Variants in ZDHHC13 observed in about 807,000 individuals in gnomAD.
ZDHHC13 encodes the protein zDHHC palmitoyltransferase 13.
Under a neutral mutation model 86.0 loss-of-function variants are expected in ZDHHC13, and 85 were observed. The ratio of observed to expected loss-of-function variants is 0.99; its 90% confidence interval spans 0.83 to 1.18. The LOEUF (loss-of-function observed/expected upper bound fraction) is 1.18, where lower values mean the gene tolerates loss of function less well. Among genes scored for constraint, ZDHHC13 ranks in the 50% most tolerant of loss-of-function variants. The pLI, the probability that ZDHHC13 is intolerant of heterozygous loss-of-function variation, is 0.00. For missense variants in ZDHHC13, 711 were observed against 730.2 expected (o/e 0.97, Z 0.30); for synonymous variants, 263 against 246.4 (o/e 1.07, Z -0.63).
At chr11:19,122,822 A>G (rs745614229) in intron 1 of ZDHHC13, among the ~76,000 whole-genome samples, 3 of 152,234 alleles carry the variant, frequency 2.0e-5, no homozygotes, top group Non-Finnish European at 2.9e-5. Flanking sequence ...ATTTTCTCAC[A>G]TTACCTAGTG....
rs1241826129 is a variant in ZDHHC13 at position 19,157,345 on chromosome 11, A to G, written c.1007+1416A>G. 4.6e-5 allele frequency among the ~76,000 whole-genome samples: 7 copies of G among 152,328 alleles called. No homozygotes were observed. In the East Asian group the frequency reaches 9.6e-4, roughly 21 times the overall value. On this transcript the variant is annotated intron_variant, in intron 9 of 16. Transcript: ENST00000446113. ...AGGGAAATACAGGGTTGCTCTTTGC[A>G]GATTATGATTATGAGTATTCCTCTG... is the stretch of plus-strand genomic sequence containing the variant.
In ZDHHC13 at chr11:19,176,178, A is replaced by T. The variant is rs1850360009; in HGVS notation, c.*218A>T. ...ATAAATCTTGGCAGACATCTAAAAA[A>T]AAAACCATATTTTTCACAAGAAAAT... On this transcript the variant is annotated 3_prime_UTR_variant, in exon 17 of 17. Coordinates refer to ENST00000446113, the MANE Select transcript of ZDHHC13 (RefSeq NM_019028.3). The T allele has an allele frequency of 5.2e-6, 2 of 384,428 alleles. No homozygotes were observed. The highest frequency in any genetic ancestry group is 1.4e-3 in the Middle Eastern group (2 of 1,416). The allele number at this position is 384,428 out of a possible 1,614,324, so 23.8% of individuals were successfully genotyped here. A position where few individuals can be genotyped will look rare whatever the true frequency, so the allele number is the denominator to read the frequency against.
chr11:19,167,630 G>A (rs1220988251), intron 14 of ZDHHC13: 1 of 152,140 alleles, frequency 6.6e-6, no homozygotes, highest in Non-Finnish European at 1.5e-5. Context: ...CTGACGCCTT[G>A]GGTGTCTTTG....
At chr11:19,153,447 T>C (rs777553131) in intron 8 of ZDHHC13, among the ~76,000 whole-genome samples, 8 of 152,242 alleles carry the variant, frequency 5.3e-5, no homozygotes, top group Non-Finnish European at 1.2e-4. Flanking sequence ...ACTTTCAGAG[T>C]GATTCTAAAT....
At chr11:19,159,093 T>A in intron 10 of ZDHHC13, 53 bp downstream of exon 10, 1 of 1,313,712 alleles carries the variant, frequency 7.6e-7, no homozygotes, top group Non-Finnish European at 1.1e-6. Context: ...TTTAAAAGAG[T>A]AATGTTATTG....
Position 19,160,048 on chromosome 11 carries a change from A to G in ZDHHC13, c.1108+1008A>G, listed in dbSNP as rs548560883. On this transcript the variant is annotated intron_variant, in intron 10 of 16. Transcript: ENST00000446113. ...GTAATAGCATTTCCGAAAAGAAAGA[A>G]CAGAATGTTTATGGGAGACATGCAT... Among the ~76,000 whole-genome samples the G allele has an allele frequency of 1.6e-3, 246 of 152,152 alleles. 3 individuals carry two copies. The highest frequency in any genetic ancestry group is 5.6e-3 in the African/African-American group (233 of 41,398).
At chr11:19,137,495 T>G (rs1472388524) in intron 1 of ZDHHC13, among the ~76,000 whole-genome samples, 4 of 151,420 alleles carry the variant, frequency 2.6e-5, no homozygotes, top group Non-Finnish European at 4.4e-5. Context: ...ACTGTCAACA[T>G]TAGACAGATC....
intron 1 of ZDHHC13, among the ~76,000 whole-genome samples, chr11:19,142,064 T>C (rs1351853076): frequency 6.6e-6 from 1 of 152,192 alleles, no homozygotes; most frequent in Non-Finnish European, 1.5e-5. Context: ...TCATAGTTTC[T>C]GTTTGTCAGG....
intron 9 of ZDHHC13, among the ~76,000 whole-genome samples, chr11:19,156,831 A>G (rs1354846544): frequency 6.6e-6 from 1 of 152,096 alleles, no homozygotes; most frequent in Non-Finnish European, 1.5e-5. Context: ...CCACTTAGCA[A>G]TCAAGGGAGT....
rs573703854 is a variant in ZDHHC13, at chr11:19,126,122, C to A, written c.27+8846C>A. Among the ~76,000 whole-genome samples, 7 of 152,110 alleles carry A rather than the reference C, an allele frequency of 4.6e-5. 2 individuals are homozygous for A. Among genetic ancestry groups the A allele is most frequent in the African/African-American group, 1.7e-4 (7 of 41,518 alleles). The stretch of plus-strand genomic sequence containing the variant: ...GTAAAACTGAAAATTTTAAAACTTT[C>A]TTTTAAAAACTTTTGTTTTAGGTTT... On this transcript the variant is annotated intron_variant, in intron 1 of 16. Coordinates refer to ENST00000446113, the MANE Select transcript of ZDHHC13 (RefSeq NM_019028.3).
intron 1 of ZDHHC13, among the ~76,000 whole-genome samples, chr11:19,135,644 C>G (rs1045149305): frequency 6.6e-6 from 1 of 152,346 alleles, no homozygotes; most frequent in African/African-American, 2.4e-5. Flanking sequence ...AAAAAGACAG[C>G]AGTAACCTCT....
chr11:19,165,447 A>G (rs1273806055), intron 13 of ZDHHC13, among the ~76,000 whole-genome samples: 2 of 152,180 alleles, frequency 1.3e-5, no homozygotes, highest in Non-Finnish European at 2.9e-5. Flanking sequence ...AGTAATACAT[A>G]AGCCTAGGTC....
chr11:19,133,940 T>TAC (rs1157763729), intron 1 of ZDHHC13, among the ~76,000 whole-genome samples: 5 of 73,832 alleles, frequency 6.8e-5, no homozygotes, highest in South Asian at 5.0e-4. Flanking sequence ...TATATATATA[T>TAC]ATACACGTAT....
chr11:19,144,593 T>C (rs1459446907), intron 2 of ZDHHC13, among the ~76,000 whole-genome samples: 1 of 152,106 alleles, frequency 6.6e-6, no homozygotes, highest in South Asian at 2.1e-4. Flanking sequence ...ATGTGTGTCA[T>C]TTTCAAAAAT....
chr11:19,165,254 T>C lies in ZDHHC13; in HGVS notation c.1390+109T>C, dbSNP rs1213238028. ...TAGGGCTCCATTTTCAATATTCTAG[T>C]ATTCCAATAGCAATGGGCCCATGCA... On this transcript the variant is annotated intron_variant, in intron 13 of 16. Transcript: ENST00000446113. 5.1e-6 allele frequency: 5 copies of C among 978,576 alleles called. No individual in the cohort carries two copies. The South Asian group carries it at 7.6e-5, about 15-fold the overall frequency. The allele number at this position is 978,576 out of a possible 1,614,324, so 60.6% of individuals were successfully genotyped here.
Position 19,173,015 on chromosome 11 carries a change from C to T in ZDHHC13, c.1730+195C>T, listed in dbSNP as rs150740455. On this transcript the variant is annotated intron_variant, in intron 16 of 16. Transcript: ENST00000446113. ...CGTGAGCCCCACGGTGGTAAGAATT[C>T]GAGAGTTAGTTTACTGGACACAGCA... Among the ~76,000 whole-genome samples the T allele has an allele frequency of 1.1e-4, 16 of 152,216 alleles. 1 individual carries two copies. In the South Asian group the frequency reaches 2.9e-3, roughly 28 times the overall value.
At chr11:19,141,143 G>A (rs1411026661) in intron 1 of ZDHHC13, among the ~76,000 whole-genome samples, 1 of 151,830 alleles carries the variant, frequency 6.6e-6, no homozygotes, top group East Asian at 1.9e-4. Context: ...TTTAGAGAAT[G>A]CAATATACTA....
intron 1 of ZDHHC13, among the ~76,000 whole-genome samples, chr11:19,127,212 T>G (rs1249800992): frequency 6.6e-6 from 1 of 152,186 alleles, no homozygotes; most frequent in Admixed American, 6.5e-5. Context: ...ATCAGTGATG[T>G]TGAGCTTTTT....
chr11:19,143,568 CATTT>C (rs1487719435), intron 2 of ZDHHC13, among the ~76,000 whole-genome samples: 5 of 152,158 alleles, frequency 3.3e-5, no homozygotes, highest in Admixed American at 2.0e-4. Context: ...TTTTAAAAAT[CATTT>C]ATTTCTTGAG....
Sources: gnomAD v4.1 joint callset for allele counts (sites outside exome capture counted in the v4.1 genomes callset) on GRCh38, gnomAD v4.1.1 for gene constraint, MANE v1.5 for transcripts, NCBI Gene and HGNC (gene_info 2026-07-23, HGNC 2026-07-21) for gene names.